Variants in RBFOX1 observed in about 807,000 individuals in gnomAD.
The protein encoded by RBFOX1 is RNA binding protein fox-1 homolog 1.
In RBFOX1, 8 loss-of-function variants were observed where a neutral mutation model predicts 57.7. The ratio of observed to expected loss-of-function variants is 0.14; its 90% CI spans 0.08 to 0.25. The LOEUF is 0.25. Among genes scored for constraint, RBFOX1 ranks in the 10% least tolerant of loss-of-function variants. The pLI, the probability that RBFOX1 is intolerant of heterozygous loss-of-function variation, is 1.00. For missense variants in RBFOX1, 611 were observed against 548.5 expected (o/e 1.11, Z -1.14); for synonymous variants, 326 against 222.4 (o/e 1.47, Z -4.15).
rs2064313709 is a variant in RBFOX1, at chr16:5,318,739, C to A, written c.219+78634C>A. Among the ~76,000 whole-genome samples the A allele has an allele frequency of 2.6e-5, 4 of 152,318 alleles. 1 individual carries two copies. In the South Asian group the frequency reaches 8.3e-4, roughly 32 times the overall value. ...TATCCAAACGGTAACTTAGGTACTG[C>A]TCTAAAGGGATTTGCAGATATTAAG... is the stretch of plus-strand genomic sequence containing the variant. On this transcript the variant is annotated intron_variant, in intron 1 of 2. Transcript: ENST00000585867.
chr16:6,771,622 T>C (rs2078312880), intron 3 of RBFOX1, among the ~76,000 whole-genome samples: 1 of 152,214 alleles, frequency 6.6e-6, no homozygotes, highest in Non-Finnish European at 1.5e-5. Context: ...AGTTCTCAAC[T>C]GTGGACAATT....
At chr16:5,915,640 T>A (rs7190912) in intron 4 of RBFOX1, among the ~76,000 whole-genome samples, 1,676 of 152,216 alleles carry the variant, frequency 0.011, 29 homozygotes, top group African/African-American at 0.037. Context: ...GAGACCAGCC[T>A]GGCCAATATG....
intron 3 of RBFOX1, among the ~76,000 whole-genome samples, chr16:5,611,678 C>A (rs2047793141): frequency 6.7e-6 from 1 of 148,868 alleles, no homozygotes. Context: ...TCTCATCCAT[C>A]CATCCACCCA....
chr16:7,048,053 A>T (rs1211660048), intron 3 of RBFOX1, among the ~76,000 whole-genome samples: 3 of 151,464 alleles, frequency 2.0e-5, no homozygotes, highest in African/African-American at 4.8e-5. Flanking sequence ...TAATTTTTGT[A>T]TTTTTAGTAG....
At chr16:5,505,135 A>T (rs12923969) in intron 2 of RBFOX1, among the ~76,000 whole-genome samples, 48,290 of 152,044 alleles carry the variant, frequency 0.32, 8,988 homozygotes, top group African/African-American at 0.49. Flanking sequence ...TAGCTCAGTA[A>T]AGCTGTTATT....
intron 3 of RBFOX1, among the ~76,000 whole-genome samples, chr16:6,888,477 A>C (rs1260371274): frequency 6.6e-6 from 1 of 151,472 alleles, no homozygotes; most frequent in Non-Finnish European, 1.5e-5. Context: ...TTTTCGGTTC[A>C]GGGGGAAATT....
intron 4 of RBFOX1, among the ~76,000 whole-genome samples, chr16:7,442,539 A>G (rs1193295767): frequency 6.6e-6 from 1 of 152,100 alleles, no homozygotes; most frequent in Non-Finnish European, 1.5e-5. Context: ...GCTTTTGCCC[A>G]AGGGCTGGTT....
At chr16:6,268,102 C>A (rs1346164314) in intron 1 of RBFOX1, among the ~76,000 whole-genome samples, 10 of 152,310 alleles carry the variant, frequency 6.6e-5, no homozygotes, top group African/African-American at 2.4e-4. Context: ...CACAAACCCT[C>A]AGCTCAGTGT....
At chr16:7,527,654 A>G (rs1050385195) in intron 5 of RBFOX1, among the ~76,000 whole-genome samples, 3 of 152,080 alleles carry the variant, frequency 2.0e-5, no homozygotes, top group African/African-American at 7.2e-5. Flanking sequence ...ACGTTACATA[A>G]CTTCTCTGAG....
intron 5 of RBFOX1, among the ~76,000 whole-genome samples, chr16:7,579,486 CTCTA>C (rs1427278325): frequency 1.3e-5 from 2 of 152,262 alleles, no homozygotes; most frequent in Middle Eastern, 3.4e-3. Context: ...TCTGCCAACA[CTCTA>C]TCTATGGATT....
intron 2 of RBFOX1, among the ~76,000 whole-genome samples, chr16:6,637,259 A>G (rs1345828248): frequency 1.5e-5 from 1 of 65,926 alleles, no homozygotes; most frequent in Non-Finnish European, 2.5e-5. Flanking sequence ...ATTATATAAT[A>G]TACAAATATA....
intron 1 of RBFOX1, among the ~76,000 whole-genome samples, chr16:6,119,769 G>A (rs868787692): frequency 1.3e-5 from 2 of 152,160 alleles, no homozygotes; most frequent in African/African-American, 2.4e-5. Flanking sequence ...TGAAACACTA[G>A]GAGTAGAGGC....
intron 4 of RBFOX1, among the ~76,000 whole-genome samples, chr16:7,511,244 A>C (rs1009366073): frequency 6.6e-6 from 1 of 152,240 alleles, no homozygotes; most frequent in Non-Finnish European, 1.5e-5. Context: ...ATTTTGAGCC[A>C]AAAGGTTTTG....
At chr16:5,693,356 T>C (rs1301424694) in intron 3 of RBFOX1, among the ~76,000 whole-genome samples, 2 of 100,310 alleles carry the variant, frequency 2.0e-5, no homozygotes, top group East Asian at 5.4e-4. Flanking sequence ...TAAAAGCATA[T>C]ATAGGCAGAT....
At chr16:6,827,159 A>G (rs9929766) in intron 3 of RBFOX1, among the ~76,000 whole-genome samples, 73,743 of 151,562 alleles carry the variant, frequency 0.49, 18,717 homozygotes, top group East Asian at 0.77. Context: ...AGAGGACACT[A>G]TTTTTTACAT....
At chr16:7,378,686 C>A (rs949862897) in intron 4 of RBFOX1, among the ~76,000 whole-genome samples, 3 of 152,074 alleles carry the variant, frequency 2.0e-5, no homozygotes, top group African/African-American at 7.2e-5. Flanking sequence ...TTTTATTTCC[C>A]AGGCACTTCC....
rs144750169 is a variant in RBFOX1, at chr16:6,841,352, G to A, written c.-16+186702G>A. ...AGCAAACATGCATTGAAGAATGTTAGACAGGAATAAAGTTGAAATAGCCTC... is the reference window on the plus strand; with the variant it reads ...AGCAAACATGCATTGAAGAATGTTAAACAGGAATAAAGTTGAAATAGCCTC... On this transcript the variant is annotated intron_variant, in intron 3 of 15. Coordinates refer to ENST00000550418, the MANE Select transcript of RBFOX1 (RefSeq NM_018723.4). Among the ~76,000 whole-genome samples, 402 of 151,974 alleles carry A rather than the reference G, an allele frequency of 2.6e-3. 5 individuals are homozygous for A. The highest frequency in any genetic ancestry group is 7.7e-3 in the Admixed American group (118 of 15,252).
intron 4 of RBFOX1, among the ~76,000 whole-genome samples, chr16:7,172,076 T>C (rs964176900): frequency 1.3e-5 from 2 of 152,190 alleles, no homozygotes; most frequent in Non-Finnish European, 2.9e-5. Context: ...GAAAAAAATA[T>C]TGATTTGCTT....
intron 3 of RBFOX1, among the ~76,000 whole-genome samples, chr16:6,869,792 A>G (rs904248096): frequency 7.2e-5 from 11 of 152,176 alleles, no homozygotes; most frequent in African/African-American, 2.2e-4. Context: ...GGAATTTCCA[A>G]TTACTTAATT....
Sources: gnomAD v4.1 joint callset for allele counts (sites outside exome capture counted in the v4.1 genomes callset) on GRCh38, gnomAD v4.1.1 for gene constraint, MANE v1.5 for transcripts, NCBI Gene and HGNC (gene_info 2026-07-23, HGNC 2026-07-21) for gene names.